Variants in CADM2 observed in about 807,000 individuals in gnomAD.
The protein encoded by CADM2 is cell adhesion molecule 2.
Under a neutral mutation model 49.8 loss-of-function variants are expected in CADM2, and 12 were observed. The ratio of observed to expected loss-of-function variants is 0.24; its 90% confidence interval spans 0.15 to 0.39. The LOEUF (loss-of-function observed/expected upper bound fraction) is 0.39, where lower values mean the gene tolerates loss of function less well. CADM2 is among the 10% of genes least tolerant of loss of function. CADM2 has a pLI of 1.00. For missense variants in CADM2, 378 were observed against 492.3 expected, an observed-to-expected ratio of 0.77 and a Z score of 2.20; for synonymous variants, 214 against 175.4, an observed-to-expected ratio of 1.22 and a Z score of -1.74.
intron 1 of CADM2, among the ~76,000 whole-genome samples, chr3:85,587,628 C>A (rs2062981129): frequency 6.6e-6 from 1 of 152,010 alleles, no homozygotes; most frequent in Admixed American, 6.6e-5. Context: ...TGTCCCTTTT[C>A]ATGTTTCATG....
chr3:85,456,473 G>T (rs2107579571), intron 1 of CADM2, among the ~76,000 whole-genome samples: 1 of 152,180 alleles, frequency 6.6e-6, no homozygotes, highest in Middle Eastern at 3.4e-3. Context: ...GATATTGAAT[G>T]ATATTCTGTG....
chr3:85,402,917 A>G (rs1262500299), intron 1 of CADM2, among the ~76,000 whole-genome samples: 2 of 152,126 alleles, frequency 1.3e-5, no homozygotes. Context: ...TGATGTTAAT[A>G]TAGATATAGA....
At chr3:85,104,567 C>G (rs1459932490) in intron 1 of CADM2, among the ~76,000 whole-genome samples, 1 of 152,014 alleles carries the variant, frequency 6.6e-6, no homozygotes, top group Non-Finnish European at 1.5e-5. Context: ...TTTTTTGGAA[C>G]CATATGAACT....
chr3:85,279,533 T>C (rs559634832), intron 1 of CADM2, among the ~76,000 whole-genome samples: 106 of 151,670 alleles, frequency 7.0e-4, no homozygotes, highest in Non-Finnish European at 1.1e-3. Flanking sequence ...ATATATTTCC[T>C]GCAGAAATAT....
chr3:85,114,670 T>A (rs1258709534), intron 1 of CADM2, among the ~76,000 whole-genome samples: 1 of 152,154 alleles, frequency 6.6e-6, no homozygotes, highest in African/African-American at 2.4e-5. Flanking sequence ...TGGTGCGAGA[T>A]AGGTTTGTGT....
intron 1 of CADM2, among the ~76,000 whole-genome samples, chr3:84,985,597 T>C (rs574365561): frequency 6.6e-6 from 1 of 152,292 alleles, no homozygotes; most frequent in East Asian, 1.9e-4. Flanking sequence ...TCATTGATGT[T>C]TGCGTCTTTG....
In CADM2 at chr3:85,662,268, A is replaced by G. The variant is rs1346005355; in HGVS notation, c.62-64254A>G. Among the ~76,000 whole-genome samples, 9 of 150,644 alleles carry G rather than the reference A, an allele frequency of 6.0e-5. No homozygotes were observed. The Admixed American group carries it at 6.0e-4, about 10-fold the overall frequency. On this transcript the variant is annotated intron_variant, in intron 1 of 9. Transcript: ENST00000383699. ...TTTTTTGGTACTTAGACATATCAAG[A>G]ATGGGATGATGCCAGCAATGTGGTA...
intron 2 of CADM2, among the ~76,000 whole-genome samples, chr3:85,785,128 G>T (rs769329152): frequency 2.0e-5 from 3 of 152,032 alleles, no homozygotes; most frequent in Non-Finnish European, 4.4e-5. Flanking sequence ...TAGTTGTAAT[G>T]TATCATTTTT....
intron 1 of CADM2, among the ~76,000 whole-genome samples, chr3:84,962,095 G>A (rs1559591388): frequency 6.6e-6 from 1 of 151,658 alleles, no homozygotes; most frequent in Non-Finnish European, 1.5e-5. Flanking sequence ...GAGTATAGCC[G>A]AGAAAATGCA....
intron 2 of CADM2, among the ~76,000 whole-genome samples, chr3:85,770,724 G>C (rs2070039985): frequency 6.6e-6 from 1 of 152,076 alleles, no homozygotes; most frequent in African/African-American, 2.4e-5. Flanking sequence ...GAAACATCAA[G>C]CCATGGCACT....
At chr3:85,861,113 G>A (rs1188197098) in intron 3 of CADM2, among the ~76,000 whole-genome samples, 1 of 152,148 alleles carries the variant, frequency 6.6e-6, no homozygotes, top group East Asian at 1.9e-4. Context: ...CTGAGCATAA[G>A]CTAGTTTTTG....
At chr3:85,318,939 G>A (rs530726982) in intron 1 of CADM2, among the ~76,000 whole-genome samples, 4 of 152,128 alleles carry the variant, frequency 2.6e-5, no homozygotes, top group African/African-American at 9.6e-5. Flanking sequence ...ATGTGACAAC[G>A]TTCGGGCTCT....
At chr3:85,666,538 A>G (rs2065574745) in intron 1 of CADM2, among the ~76,000 whole-genome samples, 2 of 152,022 alleles carry the variant, frequency 1.3e-5, no homozygotes, top group Non-Finnish European at 2.9e-5. Flanking sequence ...TTTACATGAC[A>G]TAAGAGACAT....
intron 1 of CADM2, among the ~76,000 whole-genome samples, chr3:85,421,827 A>G (rs1279280114): frequency 6.6e-6 from 1 of 152,240 alleles, no homozygotes; most frequent in Non-Finnish European, 1.5e-5. Context: ...ACAAGTAAAT[A>G]CAGCATTCTG....
At chr3:85,359,666 A>ATATATATATATATCTTTTTTT in intron 1 of CADM2, among the ~76,000 whole-genome samples, 1 of 26,544 alleles carries the variant, frequency 3.8e-5, no homozygotes, top group Admixed American at 5.8e-4. Context: ...ATATATATAT[A>ATATATATATATATCTTTTTTT]TTTTTTTTTT....
chr3:85,398,026 T>C (rs1476944509), intron 1 of CADM2, among the ~76,000 whole-genome samples: 1 of 152,130 alleles, frequency 6.6e-6, no homozygotes, highest in East Asian at 1.9e-4. Flanking sequence ...TTAATTATAC[T>C]TTAAGTTCTA....
At chr3:85,326,554 T>C (rs926537837) in intron 1 of CADM2, among the ~76,000 whole-genome samples, 1 of 152,180 alleles carries the variant, frequency 6.6e-6, no homozygotes, top group Non-Finnish European at 1.5e-5. Context: ...TATTATATTA[T>C]TGATAATAGT....
chr3:85,653,736 A>T (rs1318445716), intron 1 of CADM2, among the ~76,000 whole-genome samples: 4 of 152,178 alleles, frequency 2.6e-5, no homozygotes, highest in Non-Finnish European at 4.4e-5. Context: ...CGTATACGGC[A>T]TCACCTAGGG....
chr3:85,342,866 C>T (rs1337443337), intron 1 of CADM2, among the ~76,000 whole-genome samples: 1 of 152,078 alleles, frequency 6.6e-6, no homozygotes, highest in African/African-American at 2.4e-5. Context: ...CACCGCTTTC[C>T]TACTAAAAAG....
Sources: gnomAD v4.1 joint callset for allele counts (sites outside exome capture counted in the v4.1 genomes callset) on GRCh38, gnomAD v4.1.1 for gene constraint, MANE v1.5 for transcripts, NCBI Gene and HGNC (gene_info 2026-07-23, HGNC 2026-07-21) for gene names.